Variants in COL6A5 observed in about 807,000 individuals in gnomAD.
COL6A5 encodes the protein collagen type VI alpha 5 chain.
Under a neutral mutation model 65.6 loss-of-function variants are expected in COL6A5, and 48 were observed. That is an observed-to-expected ratio of 0.73 (90% CI 0.58 to 0.93). The LOEUF is 0.93. Ranked by LOEUF, COL6A5 falls within the 40% of genes least tolerant of loss-of-function variation. The pLI is 0.00. For synonymous variants in COL6A5, 291 were observed against 322.8 expected (o/e 0.90, Z 1.05); for missense variants, 914 against 928.3 (o/e 0.98, Z 0.20).
At chr3:130,482,439 T>C (rs1710274419) in intron 7 of COL6A5, among the ~76,000 whole-genome samples, 1 of 152,210 alleles carries the variant, frequency 6.6e-6, no homozygotes, top group Admixed American at 6.5e-5. Flanking sequence ...GCTGTTTTGG[T>C]TACTGTAGCC....
At chr3:130,378,085 G>A (rs1175160533) in intron 3 of COL6A5, among the ~76,000 whole-genome samples, 1 of 152,140 alleles carries the variant, frequency 6.6e-6, no homozygotes, top group East Asian at 1.9e-4. Context: ...TTCCACAGCT[G>A]CAGTTCATCC....
At chr3:130,413,444 T>C in intron 20 of COL6A5, 101 bp from the exon 21 acceptor site, 1 of 1,093,176 alleles carries the variant, frequency 9.1e-7, no homozygotes, top group South Asian at 1.4e-5. Flanking sequence ...TGTGAGCTGC[T>C]CATTACTTAT....
chr3:130,416,537 T>C (rs1937342609), intron 23 of COL6A5, among the ~76,000 whole-genome samples: 1 of 152,166 alleles, frequency 6.6e-6, no homozygotes, highest in South Asian at 2.1e-4. Flanking sequence ...ACTAGTGATG[T>C]CCCTGCAGAT....
At chr3:130,438,570 G>A (rs1380421056) in intron 1 of COL6A5, among the ~76,000 whole-genome samples, 1 of 152,156 alleles carries the variant, frequency 6.6e-6, no homozygotes, top group African/African-American at 2.4e-5. Flanking sequence ...TAGGAATGTA[G>A]TAAATAGTTT....
At position 130,426,202 on chromosome 3, in the gene COL6A5, TG is replaced by T; in HGVS notation, c.5164-11del. ...GCATACCACTAACTTGCTCTGTTTT[TG>T]TTTTTCCTAGGGCATTAAAGGCATG... On this transcript the variant is annotated splice_polypyrimidine_tract_variant and intron_variant and NMD_transcript_variant, in intron 29 of 41. Coordinates refer to the COL6A5 transcript ENST00000312481. 1 of 1,550,998 alleles carries T rather than the reference TG, an allele frequency of 6.4e-7. No homozygotes were observed. Among genetic ancestry groups the T allele is most frequent in the Non-Finnish European group, 8.7e-7 (1 of 1,146,536 alleles).
At chr3:130,443,604 A>G (rs1312911357) in intron 4 of COL6A5, 38 bp downstream of exon 36, 1 of 1,361,286 alleles carries the variant, frequency 7.3e-7, no homozygotes, top group Admixed American at 1.7e-5. Flanking sequence ...AGTGACTGCT[A>G]ATTGGCTGAT....
At chr3:130,427,836 CAAGGAGGCAAGAGG>C, upstream of COL6A5, among the ~76,000 whole-genome samples, 1 of 151,858 alleles carries the variant, frequency 6.6e-6, no homozygotes, top group South Asian at 2.1e-4. Context: ...GGGCAGCTTG[CAAGGAGGCAAGAGG>C]AAGGAGGCAA....
chr3:130,405,959 G>C, intron 14 of COL6A5, 34 bp from the exon 15 acceptor site: 1 of 1,548,814 alleles, frequency 6.5e-7, no homozygotes, highest in Non-Finnish European at 8.7e-7. Flanking sequence ...CTCTGTCTTT[G>C]ATTTGTCAGT....
At chr3:130,345,970 C>T (rs550587971) in exon 1 of COL6A5, 2 of 398,586 alleles carry the variant, frequency 5.0e-6, no homozygotes, top group East Asian at 7.1e-5. Context: ...CCCCTGACCC[C>T]GGGAAAGCTG....
At chr3:130,401,054 T>C (rs1242700385) in exon 11 of COL6A5, 1 of 1,549,682 alleles carries the variant, frequency 6.5e-7, no homozygotes, top group Non-Finnish European at 8.7e-7. Flanking sequence ...GCTGGTAGTG[T>C]CCCTTAACAC....
chr3:130,357,953 C>G (rs7650567), intron 1 of COL6A5, among the ~76,000 whole-genome samples: 148,540 of 152,240 alleles, frequency 0.98, 72,592 homozygotes, highest in East Asian at 1. Flanking sequence ...ACTTTCGGAG[C>G]CTGAGGCGGG....
Position 130,471,933 on chromosome 3 carries a change from G to A in COL6A5, c.2328+966G>A, listed in dbSNP as rs322118. ...AAACAGCAAGAAAAAGAAGGTAATC[G>A]TGAGTACCATAGAGCTGAAGACCCT... On this transcript the variant is annotated intron_variant, in intron 7 of 7. Transcript: ENST00000512836. The A allele has an allele frequency of 0.83, 1,279,208 of 1,532,614 alleles. 536,577 individuals are homozygous for A. The highest frequency in any genetic ancestry group is 0.86 in the East Asian group (34,895 of 40,810). 94.9% of individuals were successfully genotyped at this position (1,532,614 alleles called of 1,614,324 possible).
At chr3:130,455,729 T>C (rs1396065965) in intron 5 of COL6A5, 63 bp downstream of exon 37, 2 of 1,296,446 alleles carry the variant, frequency 1.5e-6, no homozygotes, top group Non-Finnish European at 2.2e-6. Flanking sequence ...CTTTTAACAC[T>C]AGTAGAAAAT....
At chr3:130,381,761 AT>A (rs1936003168) in intron 4 of COL6A5, among the ~76,000 whole-genome samples, 1 of 152,108 alleles carries the variant, frequency 6.6e-6, no homozygotes, top group South Asian at 2.1e-4. Flanking sequence ...TTCCAATGAT[AT>A]TAAAGGCTAA....
chr3:130,351,558 G>A (rs1188972863), intron 1 of COL6A5, among the ~76,000 whole-genome samples: 3 of 152,190 alleles, frequency 2.0e-5, no homozygotes, highest in Non-Finnish European at 4.4e-5. Flanking sequence ...GTGAAAAGAT[G>A]TTTGTCATCA....
exon 6 of COL6A5, chr3:130,388,813 T>C: frequency 6.4e-7 from 1 of 1,551,424 alleles, no homozygotes; most frequent in African/African-American, 1.4e-5. Flanking sequence ...AGATAGAATG[T>C]CTCTCATCAA....
chr3:130,422,549 A>G (rs1232028943), intron 27 of COL6A5, among the ~76,000 whole-genome samples, 171 bp from the exon 28 acceptor site: 1 of 152,036 alleles, frequency 6.6e-6, no homozygotes, highest in African/African-American at 2.4e-5. Flanking sequence ...GAATAAGTGT[A>G]CCAATGACTT....
At chr3:130,408,713 CCA>C (rs1937081321) in intron 17 of COL6A5, among the ~76,000 whole-genome samples, 1 of 152,038 alleles carries the variant, frequency 6.6e-6, no homozygotes. Context: ...GATGTCACCC[CCA>C]GAGACCCAGC....
intron 1 of COL6A5, among the ~76,000 whole-genome samples, chr3:130,362,324 ATATTTTTTT>A (rs1935165924): frequency 3.7e-4 from 1 of 2,734 alleles, no homozygotes; most frequent in African/African-American, 1.0e-3. Context: ...ATATATATAT[ATATTTTTTT>A]TTTTTTTTTT....
Sources: gnomAD v4.1 joint callset for allele counts (sites outside exome capture counted in the v4.1 genomes callset) on GRCh38, gnomAD v4.1.1 for gene constraint, MANE v1.5 for transcripts, NCBI Gene and HGNC (gene_info 2026-07-23, HGNC 2026-07-21) for gene names.